Variants in HSPA2 observed in about 807,000 individuals in gnomAD.
HSPA2 encodes the protein heat shock protein family A (Hsp70) member 2.
Under a neutral mutation model 35.0 loss-of-function variants are expected in HSPA2, and 13 were observed. The ratio of observed to expected loss-of-function variants is 0.37; its 90% CI spans 0.24 to 0.59. The LOEUF (loss-of-function observed/expected upper bound fraction) is 0.59, where lower values mean the gene tolerates loss of function less well. Ranked by LOEUF, HSPA2 falls within the 20% of genes least tolerant of loss-of-function variation. The pLI is 0.70. For synonymous variants in HSPA2, 368 were observed against 382.1 expected (o/e 0.96, Z 0.43); for missense variants, 565 against 885.4 (o/e 0.64, Z 4.59).
At chr14:64,540,153 T>C (rs1233138728), upstream of HSPA2, among the ~76,000 whole-genome samples, 1 of 152,096 alleles carries the variant, frequency 6.6e-6, no homozygotes, top group Non-Finnish European at 1.5e-5. Context: ...TCCCTCCCCT[T>C]GGACGGCGCC....
In HSPA2 at chr14:64,542,812, C is replaced by G; in HGVS notation, c.*43C>G. ...CGTAAACCTCTTTGCCTTTCTCTCT[C>G]TCTCTTTTTTTTTGTTTGTTTCTTT... On this transcript the variant is annotated 3_prime_UTR_variant, in exon 1 of 1. Transcript: ENST00000247207. This position sits in a 1 kb window ranked among gnomAD's most constrained non-coding sequence, Gnocchi z 5.7. 6.9e-7 allele frequency: 1 copy of G among 1,446,046 alleles called. No individual in the cohort carries two copies. The highest frequency in any genetic ancestry group is 1.6e-5 in the African/African-American group (1 of 61,324). 89.6% of individuals were successfully genotyped at this position (1,446,046 alleles called of 1,614,324 possible). A position where few individuals can be genotyped will look rare whatever the true frequency, so the allele number is the denominator to read the frequency against.
In HSPA2 at chr14:64,541,185, C is replaced by A. The variant is rs764769979; in HGVS notation, c.336C>A (p.Thr112=). Residue 112 remains threonine (T), a synonymous_variant, in exon 1 of 1, where the codon ACC becomes ACA. Transcript: ENST00000247207. ...TGCAAGTAGAGTACAAGGGGGAGAC[C>A]AAGACCTTCTTCCCAGAGGAGATAT... ...PKVQVEYKGE[T]KTFFPEEISS... is the part of the protein sequence containing the mutation. 5.0e-6 allele frequency: 8 copies of A among 1,614,024 alleles called. No homozygotes were observed. The highest frequency in any genetic ancestry group is 6.8e-6 in the Non-Finnish European group (8 of 1,180,046).
Position 64,541,504 on chromosome 14 carries a change from A to G in HSPA2, c.655A>G (p.Ile219Val), listed in dbSNP as rs2080031061. 6.2e-7 allele frequency: 1 copy of G among 1,608,990 alleles called. No individual in the cohort carries two copies. The highest frequency in any genetic ancestry group is 8.5e-7 in the Non-Finnish European group (1 of 1,176,026). Residue 219 changes from isoleucine (I) to valine (V), a missense_variant, in exon 1 of 1, where the codon ATC becomes GTC. Physicochemically the swap from Ile to Val is conservative, Grantham distance 29. This residue lies in a region of HSPA2 where 234 missense variants were observed against 419.0 expected (regional missense o/e 0.56). Coordinates refer to ENST00000247207, the MANE Select transcript of HSPA2 (RefSeq NM_021979.4). Reference protein sequence around the residue: ...DVSILTIEDGIFEVKSTAGDT... With the variant: ...DVSILTIEDGVFEVKSTAGDT... ...GTCCATCCTGACCATCGAGGATGGC[A>G]TCTTCGAGGTGAAGTCCACGGCCGG...
chr14:64,538,950 C>T (rs561883429), upstream of HSPA2, among the ~76,000 whole-genome samples: 72 of 152,314 alleles, frequency 4.7e-4, no homozygotes, highest in Admixed American at 4.6e-4. Context: ...GGACTACAGG[C>T]GCGCGCCACC....
upstream of HSPA2, chr14:64,540,587 C>G (rs1012728723): frequency 1.2e-4 from 64 of 530,262 alleles, no homozygotes; most frequent in African/African-American, 1.1e-3. Context: ...GCCCCTCGTC[C>G]AACTTGAAAT....
At chr14:64,538,738 C>T (rs1360179206), upstream of HSPA2, among the ~76,000 whole-genome samples, 1 of 152,216 alleles carries the variant, frequency 6.6e-6, no homozygotes, top group Non-Finnish European at 1.5e-5. Context: ...CTTTTTACTG[C>T]CACGTAGTAG....
At position 64,540,849 on chromosome 14, in the gene HSPA2, G is replaced by C. The variant is rs1566642543; in HGVS notation, c.-1G>C. The C allele has an allele frequency of 6.2e-7, 1 of 1,614,036 alleles. No individual in the cohort carries two copies. The highest frequency in any genetic ancestry group is 1.1e-5 in the South Asian group (1 of 91,072). ...CTAACGTCGCTCGCCTTTCAGTCAGGATGTCTGCCCGTGGCCCGGCTATCG... is the reference window on the plus strand; with the variant it reads ...CTAACGTCGCTCGCCTTTCAGTCAGCATGTCTGCCCGTGGCCCGGCTATCG... On this transcript the variant is annotated 5_prime_UTR_variant, in exon 1 of 1. Coordinates refer to ENST00000247207, the MANE Select transcript of HSPA2 (RefSeq NM_021979.4).
At position 64,541,015 on chromosome 14, in the gene HSPA2, G is replaced by A. The variant is rs201797824; in HGVS notation, c.166G>A (p.Ala56Thr). Reference sequence around the variant, plus strand: ...CACCGAGCGCCTCATCGGCGACGCCGCCAAGAACCAGGTGGCCATGAACCC... The same window carrying A: ...CACCGAGCGCCTCATCGGCGACGCCACCAAGAACCAGGTGGCCATGAACCC... Reference protein sequence around the residue: ...TDTERLIGDAAKNQVAMNPTN... With the variant: ...TDTERLIGDATKNQVAMNPTN... Residue 56 changes from alanine to threonine, a missense_variant, in exon 1 of 1, where the codon GCC becomes ACC. Physicochemically the swap from Ala to Thr is moderately conservative, Grantham distance 58. Around this residue, in one of 4 missense-constraint regions of HSPA2, gnomAD observed 183 missense variants for 281.6 expected, o/e 0.65. Coordinates refer to ENST00000247207, the MANE Select transcript of HSPA2 (RefSeq NM_021979.4). 2 of 1,614,144 alleles carry A rather than the reference G, an allele frequency of 1.2e-6. No individual in the cohort carries two copies. Among genetic ancestry groups the A allele is most frequent in the Admixed American group, 1.7e-5 (1 of 60,020 alleles).
At chr14:64,538,608 C>T (rs1447225033), upstream of HSPA2, among the ~76,000 whole-genome samples, 2 of 152,258 alleles carry the variant, frequency 1.3e-5, no homozygotes, top group African/African-American at 2.4e-5. Context: ...ACGCACTTTT[C>T]CATCAGCCTG....
rs200552841 is a variant in HSPA2 at position 64,541,219 on chromosome 14, G to A, written c.370G>A (p.Val124Ile). 2.9e-5 allele frequency: 47 copies of A among 1,613,892 alleles called. No individual in the cohort carries two copies. The highest frequency in any genetic ancestry group is 3.7e-5 in the Non-Finnish European group (44 of 1,179,994). Residue 124 changes from valine (V) to isoleucine (I), a missense_variant, in exon 1 of 1, where the codon GTC becomes ATC. Transcript: ENST00000247207. ...CTTCCCAGAGGAGATATCCTCCATG[G>A]TCCTCACGAAGATGAAGGAGATCGC... ...TFFPEEISSM[V>I]LTKMKEIAEA...
At chr14:64,536,671 G>A (rs1207650601), upstream of HSPA2, among the ~76,000 whole-genome samples, 1 of 152,170 alleles carries the variant, frequency 6.6e-6, no homozygotes, top group African/African-American at 2.4e-5. Flanking sequence ...GAAGTGGGAG[G>A]ATCGCTTGTG....
In HSPA2 at chr14:64,541,356, T is replaced by C. The variant is rs45462598; in HGVS notation, c.507T>C (p.Asn169=). 413 of 1,611,948 alleles carry C rather than the reference T, an allele frequency of 2.6e-4. 1 individual carries two copies. In the African/African-American group the frequency reaches 4.8e-3, roughly 19 times the overall value. Residue 169 remains asparagine, a synonymous_variant, in exon 1 of 1, where the codon AAT becomes AAC. Transcript: ENST00000247207. ...ACGCAGGCACCATCACGGGGCTCAATGTGCTGCGCATCATCAACGAGCCCA... is the reference window on the plus strand; with the variant it reads ...ACGCAGGCACCATCACGGGGCTCAACGTGCTGCGCATCATCAACGAGCCCA... ...TKDAGTITGL[N]VLRIINEPTA... is the part of the protein sequence containing the mutation.
Position 64,542,170 on chromosome 14 carries a change from GTACTGGTGCAGGTA to G in HSPA2, c.1325_1338del (p.Leu442ArgfsTer11). 1.2e-6 allele frequency: 2 copies of G among 1,613,864 alleles called. No individual in the cohort carries two copies. Reference sequence around the variant, plus strand: ...CACCTACTCGGACAACCAGAGCAGCGTACTGGTGCAGGTATACGAGGGCGAACGGGCCATGACCA... The same window carrying G: ...CACCTACTCGGACAACCAGAGCAGCGTACGAGGGCGAACGGGCCATGACCA... On this transcript the variant is annotated frameshift_variant, in exon 1 of 1. Coordinates refer to ENST00000247207, the MANE Select transcript of HSPA2 (RefSeq NM_021979.4). LOFTEE classifies it high-confidence loss of function. This position sits in a 1 kb window ranked among gnomAD's most constrained non-coding sequence, Gnocchi z 5.7.
Position 64,541,555 on chromosome 14 carries a change from T to C in HSPA2, c.706T>C (p.Phe236Leu). 2 of 1,613,100 alleles carry C rather than the reference T, an allele frequency of 1.2e-6. No homozygotes were observed. Among genetic ancestry groups the C allele is most frequent in the Non-Finnish European group, 1.7e-6 (2 of 1,179,944 alleles). Residue 236 changes from phenylalanine (F) to leucine (L), a missense_variant, in exon 1 of 1, where the codon TTC becomes CTC. Around this residue, in one of 4 missense-constraint regions of HSPA2, gnomAD observed 234 missense variants for 419.0 expected, o/e 0.56. Coordinates refer to ENST00000247207, the MANE Select transcript of HSPA2 (RefSeq NM_021979.4). ...AGDTHLGGED[F>L]DNRMVSHLAE... ...CGACACCCACCTGGGCGGTGAGGAC[T>C]TCGACAACCGCATGGTGAGCCACCT...
Position 64,541,795 on chromosome 14 carries a change from A to T in HSPA2, c.946A>T (p.Thr316Ser), listed in dbSNP as rs746572568. The T allele has an allele frequency of 2.4e-5, 39 of 1,613,320 alleles. No individual in the cohort carries two copies. In the South Asian group the frequency reaches 4.3e-4, roughly 18 times the overall value. ...GCTCAATGCCGACCTCTTTCGCGGGACCCTGGAGCCGGTGGAGAAGGCGCT... is the reference window on the plus strand; with the variant it reads ...GCTCAATGCCGACCTCTTTCGCGGGTCCCTGGAGCCGGTGGAGAAGGCGCT... Reference protein sequence around the residue: ...EELNADLFRGTLEPVEKALRD... With the variant: ...EELNADLFRGSLEPVEKALRD... The change falls in exon 1 of 1, where the codon ACC (threonine) becomes TCC (serine). Residue 316 changes from threonine (T) to serine (S), a missense_variant. Thr to Ser is a moderately conservative substitution (Grantham distance 58). Transcript: ENST00000247207.
At chr14:64,539,008 G>T (rs2080001898), upstream of HSPA2, among the ~76,000 whole-genome samples, 1 of 152,122 alleles carries the variant, frequency 6.6e-6, no homozygotes, top group African/African-American at 2.4e-5. Flanking sequence ...GTTTCACCAT[G>T]TTGGCCAGGC....
chr14:64,537,542 T>G (rs1278300400), upstream of HSPA2, among the ~76,000 whole-genome samples: 1 of 151,506 alleles, frequency 6.6e-6, no homozygotes, highest in African/African-American at 2.4e-5. Flanking sequence ...AGTGAGCCAC[T>G]GCACTCCAGC....
chr14:64,540,665 G>A (rs981443728), upstream of HSPA2: 3 of 833,556 alleles, frequency 3.6e-6, no homozygotes, highest in Non-Finnish European at 5.5e-6. Flanking sequence ...AGTTTGTGAG[G>A]GCGGTCCCGG....
chr14:64,539,081 C>T (rs980676807), upstream of HSPA2, among the ~76,000 whole-genome samples: 1 of 152,196 alleles, frequency 6.6e-6, no homozygotes, highest in Non-Finnish European at 1.5e-5. Flanking sequence ...GCTGAAACTA[C>T]AGGCATGAGC....
Sources: allele counts gnomAD v4.1 joint callset (sites outside exome capture counted in the v4.1 genomes callset), GRCh38; gene constraint gnomAD v4.1.1; regional missense constraint gnomAD v4.1.1; non-coding constraint Gnocchi (gnomAD v3.1); transcripts MANE v1.5; gene names NCBI Gene and HGNC (gene_info 2026-07-23, HGNC 2026-07-21).